The following SBF2 variants were observed in gnomAD, a reference collection of about 807,000 sequenced individuals.
The protein encoded by SBF2 is myotubularin-related protein 13.
SBF2 carries 112 observed loss-of-function variants against 225.2 expected under a neutral mutation model. The ratio of observed to expected loss-of-function variants is 0.50; its 90% CI spans 0.43 to 0.58. The LOEUF is 0.58. SBF2 is among the 20% of genes least tolerant of loss of function. SBF2 has a pLI of 0.00. For missense variants in SBF2, 1,996 were observed against 2,206.2 expected (o/e 0.90, Z 1.91); for synonymous variants, 763 against 773.3 (o/e 0.99, Z 0.22).
At chr11:10,208,209 G>A (rs1001409565) in intron 1 of SBF2, among the ~76,000 whole-genome samples, 2 of 151,796 alleles carry the variant, frequency 1.3e-5, no homozygotes, top group East Asian at 3.9e-4. Flanking sequence ...CTTCAGGCAC[G>A]GTAAACCAAC....
At chr11:9,829,550 A>T in intron 27 of SBF2, 54 bp from the exon 28 acceptor site, 7 of 1,435,564 alleles carry the variant, frequency 4.9e-6, no homozygotes, top group Non-Finnish European at 6.9e-6. Context: ...TTAACAAAAC[A>T]AGTATCTATC....
At position 9,889,435 on chromosome 11, in the gene SBF2, TAAGCCAA is replaced by T. The variant is rs1463845261; in HGVS notation, c.1929+6501_1929+6507del. 2.0e-5 allele frequency among the ~76,000 whole-genome samples: 3 copies of T among 152,202 alleles called. No homozygotes were observed. In the East Asian group the frequency reaches 5.8e-4, roughly 29 times the overall value. On this transcript the variant is annotated intron_variant, in intron 17 of 39. Transcript: ENST00000256190. ...CCTGTGGGTCTTTACGTAGAATGTA[TAAGCCAA>T]AGTTAAAATTCAGCAATAAAGAAAT...
intron 2 of SBF2, among the ~76,000 whole-genome samples, chr11:10,097,117 T>A (rs1430037880): frequency 1.3e-5 from 2 of 152,202 alleles, no homozygotes; most frequent in Non-Finnish European, 2.9e-5. Flanking sequence ...ACAACCCTGA[T>A]GAATGGAATT....
chr11:9,880,960 C>T (rs185579970), intron 17 of SBF2, among the ~76,000 whole-genome samples: 1 of 152,210 alleles, frequency 6.6e-6, no homozygotes, highest in Non-Finnish European at 1.5e-5. Flanking sequence ...TTATTTATAT[C>T]CAGCCTCAGA....
At chr11:10,266,324 A>C (rs17295954) in intron 1 of SBF2, among the ~76,000 whole-genome samples, 8,280 of 152,270 alleles carry the variant, frequency 0.054, 312 homozygotes, top group Middle Eastern at 0.14. Flanking sequence ...CTATTTGTGC[A>C]ATTAAAGACC....
intron 5 of SBF2, among the ~76,000 whole-genome samples, chr11:10,028,915 T>A (rs1442630419): frequency 6.6e-6 from 1 of 152,098 alleles, no homozygotes; most frequent in Non-Finnish European, 1.5e-5. Flanking sequence ...ATTCTGCCCT[T>A]TGAGCAGAGG....
At chr11:10,251,069 C>T (rs937982348) in intron 1 of SBF2, among the ~76,000 whole-genome samples, 6 of 152,140 alleles carry the variant, frequency 3.9e-5, no homozygotes, top group Non-Finnish European at 8.8e-5. Context: ...CTATTACGTG[C>T]ACTTATAGGG....
chr11:10,236,806 C>T (rs1959095556), intron 1 of SBF2, among the ~76,000 whole-genome samples: 1 of 152,242 alleles, frequency 6.6e-6, no homozygotes, highest in East Asian at 1.9e-4. Context: ...TCAATGTAAA[C>T]AAATTACTTT....
At chr11:10,279,933 G>C (rs1203298821) in intron 1 of SBF2, among the ~76,000 whole-genome samples, 1 of 151,966 alleles carries the variant, frequency 6.6e-6, no homozygotes, top group South Asian at 2.1e-4. Context: ...ACAGGCGTGA[G>C]CCACCACGCC....
At position 9,795,878 on chromosome 11, in the gene SBF2, C is replaced by T. The variant is rs770619905; in HGVS notation, c.4523G>A (p.Arg1508His). The T allele has an allele frequency of 2.6e-5, 42 of 1,613,428 alleles. No individual in the cohort carries two copies. Among genetic ancestry groups the T allele is most frequent in the Admixed American group, 1.3e-4 (8 of 59,998 alleles). Residue 1508 changes from arginine (R) to histidine (H), a missense_variant, in exon 33 of 40, where the codon CGC (arginine) becomes CAC (histidine). Coordinates refer to ENST00000256190, the MANE Select transcript of SBF2 (RefSeq NM_030962.4). ...KFLAFHYVSN[R>H]FKTFLLDSDY... ...TGAATCCAGGAGAAATGTTTTAAAG[C>T]GATTAGACACATAGTGGAAAGCCAA...
chr11:10,159,197 T>C (rs1048729243), intron 2 of SBF2, among the ~76,000 whole-genome samples: 1 of 152,226 alleles, frequency 6.6e-6, no homozygotes, highest in Non-Finnish European at 1.5e-5. Context: ...TGTTTGTTCC[T>C]TGGCGTAGGC....
chr11:9,900,044 T>TA lies in SBF2; in HGVS notation c.1861-4034dup, dbSNP rs1347991488. 3.0e-3 allele frequency among the ~76,000 whole-genome samples: 421 copies of TA among 140,412 alleles called. 5 individuals are homozygous for TA. The highest frequency in any genetic ancestry group is 0.015 in the Middle Eastern group (4 of 274). The allele number at this position is 140,412 out of a possible 152,430, so 92.1% of individuals were successfully genotyped here. A position where few individuals can be genotyped will look rare whatever the true frequency, so the allele number is the denominator to read the frequency against. ...TCCTTTTCTTCTTTTTTTTTTTTTTTAAAAAAAAAAAACAGGATTTGGCAG... is the reference window on the plus strand; with the variant it reads ...TCCTTTTCTTCTTTTTTTTTTTTTTTAAAAAAAAAAAAACAGGATTTGGCAG... On this transcript the variant is annotated intron_variant, in intron 16 of 39. Transcript: ENST00000256190.
At chr11:9,992,900 T>G in intron 11 of SBF2, 90 bp downstream of exon 11, 1 of 889,496 alleles carries the variant, frequency 1.1e-6, no homozygotes. Flanking sequence ...TAAATCAAGG[T>G]CAAAATAAAT....
intron 2 of SBF2, among the ~76,000 whole-genome samples, chr11:10,104,495 G>C (rs1333989103): frequency 6.6e-6 from 1 of 152,174 alleles, no homozygotes; most frequent in African/African-American, 2.4e-5. Context: ...CCTAACTTCC[G>C]CAACGTAGGT....
intron 9 of SBF2, 126 bp from the exon 10 acceptor site, chr11:9,994,124 G>C (rs916282326): frequency 7.7e-6 from 6 of 781,626 alleles, no homozygotes; most frequent in Non-Finnish European, 1.3e-5. Flanking sequence ...AATTCAATTA[G>C]CTGGGGTAGT....
Position 9,858,083 on chromosome 11 carries a change from G to C in SBF2, c.2100+143C>G. ...AACATAATGTCTGAAATCAACAGAG[G>C]AAAGATATCACAGGGCTCCCTAAAT... On this transcript the variant is annotated intron_variant, in intron 18 of 39. Transcript: ENST00000256190. 4 of 842,308 alleles carry C rather than the reference G, an allele frequency of 4.7e-6. No homozygotes were observed. The East Asian group carries it at 9.7e-5, about 20-fold the overall frequency. 52.2% of individuals were successfully genotyped at this position (842,308 alleles called of 1,614,324 possible). A position where few individuals can be genotyped will look rare whatever the true frequency, so the allele number is the denominator to read the frequency against.
At chr11:10,154,724 G>A (rs1170909530) in intron 2 of SBF2, among the ~76,000 whole-genome samples, 1 of 152,144 alleles carries the variant, frequency 6.6e-6, no homozygotes, top group Non-Finnish European at 1.5e-5. Flanking sequence ...CATAACTTGA[G>A]ATTCTCAATG....
chr11:9,939,532 T>C (rs7939451), intron 16 of SBF2, among the ~76,000 whole-genome samples: 78,904 of 152,052 alleles, frequency 0.52, 20,907 homozygotes, highest in Non-Finnish European at 0.57. Context: ...TTTTCATGGG[T>C]GAGGCCCTAT....
At chr11:10,269,974 A>C (rs1224110934) in intron 1 of SBF2, among the ~76,000 whole-genome samples, 1 of 152,188 alleles carries the variant, frequency 6.6e-6, no homozygotes, top group African/African-American at 2.4e-5. Context: ...CTGCCTCTCT[A>C]TTTGATCCTG....
Sources: allele counts gnomAD v4.1 joint callset (sites outside exome capture counted in the v4.1 genomes callset), GRCh38; gene constraint gnomAD v4.1.1; transcripts MANE v1.5; gene names NCBI Gene and HGNC (gene_info 2026-07-23, HGNC 2026-07-21).